AKR1B15: variants seen among roughly 807,000 people sequenced by gnomAD.
AKR1B15 encodes the protein estradiol 17-beta-dehydrogenase AKR1B15.
AKR1B15 carries 49 observed loss-of-function variants against 38.5 expected under a neutral mutation model. The ratio of observed to expected loss-of-function variants is 1.27; its 90% CI spans 1.01 to 1.62. The LOEUF (loss-of-function observed/expected upper bound fraction) is 1.62. AKR1B15 is among the 40% of genes most tolerant of loss of function. The pLI is 0.00. For missense variants in AKR1B15, 411 were observed against 381.6 expected (o/e 1.08, Z -0.64); for synonymous variants, 137 against 135.5 (o/e 1.01, Z -0.08).
chr7:134,549,836 T>C (rs905449762), intron 1 of AKR1B15, among the ~76,000 whole-genome samples: 1 of 152,228 alleles, frequency 6.6e-6, no homozygotes, highest in African/African-American at 2.4e-5. Flanking sequence ...GGATCGTCGA[T>C]ACTGCCCAAA....
At chr7:134,570,154 A>T (rs757896640) in intron 5 of AKR1B15, 1 of 152,420 alleles carries the variant, frequency 6.6e-6, no homozygotes, top group South Asian at 2.1e-4. Context: ...TTACAGTTGT[A>T]GATAAGGGAT....
At chr7:134,557,449 T>C (rs1274154815) in intron 2 of AKR1B15, among the ~76,000 whole-genome samples, 1 of 152,144 alleles carries the variant, frequency 6.6e-6, no homozygotes, top group African/African-American at 2.4e-5. Context: ...TTTTGGTTTC[T>C]TCACTTGCAG....
chr7:134,565,027 C>T (rs767343332), intron 3 of AKR1B15: 1 of 324,616 alleles, frequency 3.1e-6, no homozygotes, highest in African/African-American at 2.1e-5. Context: ...TGTAAATGCA[C>T]CAATCAGCAC....
chr7:134,571,902 A>T (rs1456100641), intron 6 of AKR1B15, among the ~76,000 whole-genome samples: 1 of 152,214 alleles, frequency 6.6e-6, no homozygotes, highest in Non-Finnish European at 1.5e-5. Flanking sequence ...GACTGGAAAT[A>T]CAATGTACCC....
At chr7:134,567,210 T>A (rs1794556608) in intron 3 of AKR1B15, among the ~76,000 whole-genome samples, 1 of 152,174 alleles carries the variant, frequency 6.6e-6, no homozygotes, top group African/African-American at 2.4e-5. Flanking sequence ...ATAGAAGAGG[T>A]TTAAAAGACT....
chr7:134,572,631 G>GA (rs367742933), intron 6 of AKR1B15, among the ~76,000 whole-genome samples: 10,644 of 125,500 alleles, frequency 0.085, 589 homozygotes, highest in East Asian at 0.32. Flanking sequence ...CCATCTTGAA[G>GA]AAAAAAAAAA....
At chr7:134,575,025 C>T (rs911814663) in intron 6 of AKR1B15, among the ~76,000 whole-genome samples, 6 of 152,344 alleles carry the variant, frequency 3.9e-5, no homozygotes, top group Admixed American at 2.0e-4. Flanking sequence ...ACAACAGTAG[C>T]TCCCTGCTAT....
intron 2 of AKR1B15, among the ~76,000 whole-genome samples, chr7:134,561,671 C>T (rs1000469036): frequency 8.5e-5 from 13 of 152,160 alleles, no homozygotes; most frequent in Admixed American, 7.2e-4. Flanking sequence ...CCAAAGCCAA[C>T]TCATCAACAA....
rs980532146 is a variant in AKR1B15, at chr7:134,555,548, T to C, written c.-146-1188T>C. ...CTCTTCTGTCTGTTTCCACCTGTTATGTCCTCTGCCCCTTCCTACTCTTTT... is the reference window on the plus strand; with the variant it reads ...CTCTTCTGTCTGTTTCCACCTGTTACGTCCTCTGCCCCTTCCTACTCTTTT... On this transcript the variant is annotated intron_variant, in intron 1 of 11. Transcript: ENST00000457545. Among the ~76,000 whole-genome samples the C allele has an allele frequency of 1.3e-5, 2 of 152,172 alleles. 1 individual carries two copies. The highest frequency in any genetic ancestry group is 2.9e-5 in the Non-Finnish European group (2 of 68,016).
At position 134,569,422 on chromosome 7, in the gene AKR1B15, A is replaced by G. The variant is rs1398342062; in HGVS notation, c.328A>G (p.Thr110Ala). The G allele has an allele frequency of 6.2e-7, 1 of 1,614,044 alleles. No individual in the cohort carries two copies. Among genetic ancestry groups the G allele is most frequent in the Non-Finnish European group, 8.5e-7 (1 of 1,179,950 alleles). The change falls in exon 5 of 12, where the codon ACT becomes GCT. Residue 110 changes from threonine (T) to alanine (A), a missense_variant. Physicochemically the swap from Thr to Ala is moderately conservative, Grantham distance 58. This residue lies in a region of AKR1B15 where 254 missense variants were observed against 212.4 expected (regional missense o/e 1.20). Transcript: ENST00000457545. ...GCTACACTCTTTGCAGGTGTGGCCC[A>G]CTTTCTTTGAGAGACCCCTTGTGAG... ...DLFIVSKVWP[T>A]FFERPLVRKA...
chr7:134,560,710 A>G (rs890971486), intron 2 of AKR1B15, among the ~76,000 whole-genome samples: 10 of 152,236 alleles, frequency 6.6e-5, no homozygotes, highest in African/African-American at 2.4e-4. Context: ...TCTGACAAAT[A>G]CAGCTGGGAA....
At chr7:134,571,500 A>G in intron 5 of AKR1B15, 104 bp from the exon 6 acceptor site, 1 of 828,658 alleles carries the variant, frequency 1.2e-6, no homozygotes, top group Non-Finnish European at 2.1e-6. Context: ...AAAAAGTGGT[A>G]TGCAGATGTG....
intron 4 of AKR1B15, among the ~76,000 whole-genome samples, chr7:134,568,916 G>A (rs1171973894): frequency 6.6e-6 from 1 of 151,288 alleles, no homozygotes; most frequent in African/African-American, 2.4e-5. Context: ...GCTTACATCT[G>A]GTGGGACAAA....
At chr7:134,564,496 G>A (rs1794488658) in intron 2 of AKR1B15, 102 bp from the exon 3 acceptor site, 11 of 511,496 alleles carry the variant, frequency 2.2e-5, no homozygotes, top group South Asian at 5.9e-5. Context: ...GGAGTTGGGC[G>A]ACATGGCTTC....
At chr7:134,565,474 A>G (rs752501992) in intron 3 of AKR1B15, 58 of 1,613,186 alleles carry the variant, frequency 3.6e-5, no homozygotes, top group Non-Finnish European at 4.5e-5. Flanking sequence ...TCATTTCCGC[A>G]CCAACCATGG....
intron 6 of AKR1B15, chr7:134,573,534 A>G (rs1794705788): frequency 2.0e-6 from 2 of 985,302 alleles, no homozygotes; most frequent in African/African-American, 1.7e-5. Flanking sequence ...GCATGCTTGA[A>G]TACGTAAGCA....
intron 1 of AKR1B15, among the ~76,000 whole-genome samples, chr7:134,552,686 C>T (rs1794029322): frequency 6.6e-6 from 1 of 152,134 alleles, no homozygotes; most frequent in Non-Finnish European, 1.5e-5. Flanking sequence ...CTTTACTCAG[C>T]CTGCTCCCAC....
chr7:134,555,666 T>C (rs539261946), intron 1 of AKR1B15, among the ~76,000 whole-genome samples: 4 of 152,084 alleles, frequency 2.6e-5, no homozygotes, highest in Non-Finnish European at 5.9e-5. Flanking sequence ...TCGGTTTATG[T>C]GCTTTGTTCC....
chr7:134,567,793 T>C (rs1026518240), intron 3 of AKR1B15, among the ~76,000 whole-genome samples: 1 of 152,212 alleles, frequency 6.6e-6, no homozygotes, highest in African/African-American at 2.4e-5. Context: ...ATTTCAGGAC[T>C]AACCTGGATG....
Sources: allele counts gnomAD v4.1 joint callset (sites outside exome capture counted in the v4.1 genomes callset), GRCh38; gene constraint gnomAD v4.1.1; regional missense constraint gnomAD v4.1.1; transcripts MANE v1.5; gene names NCBI Gene and HGNC (gene_info 2026-07-23, HGNC 2026-07-21).